KRT23: variants seen among roughly 807,000 people sequenced by gnomAD.
KRT23 encodes keratin 23.
KRT23 carries 38 observed loss-of-function variants against 47.6 expected under a neutral mutation model. The ratio of observed to expected loss-of-function variants is 0.80; its 90% confidence interval spans 0.62 to 1.05. The LOEUF is 1.05. Ranked by LOEUF, KRT23 falls within the 50% of genes least tolerant of loss-of-function variation. The probability of loss-of-function intolerance (pLI) is 0.00; values close to 1 mark genes in which losing one functional copy is unlikely to be tolerated. For missense variants in KRT23, 503 were observed against 529.5 expected (o/e 0.95, Z 0.49); for synonymous variants, 191 against 199.0 (o/e 0.96, Z 0.34).
intron 6 of KRT23, 42 bp from the exon 7 acceptor site, chr17:40,925,616 G>T: frequency 7.0e-7 from 1 of 1,428,064 alleles, no homozygotes; most frequent in Non-Finnish European, 9.8e-7. Flanking sequence ...CTGATGGCTT[G>T]ATTGAGTCAA....
chr17:40,931,670 C>T (rs1440980290), intron 2 of KRT23, among the ~76,000 whole-genome samples: 1 of 152,194 alleles, frequency 6.6e-6, no homozygotes, highest in Non-Finnish European at 1.5e-5. Flanking sequence ...AGAATATGAT[C>T]TGCAGTCAGT....
At chr17:40,929,414 G>C (rs1480949242) in intron 4 of KRT23, among the ~76,000 whole-genome samples, 1 of 152,238 alleles carries the variant, frequency 6.6e-6, no homozygotes, top group Non-Finnish European at 1.5e-5. Context: ...CTTTGATGTT[G>C]AGAAGCAATT....
chr17:40,924,636 T>G, intron 7 of KRT23, 133 bp from the exon 8 acceptor site: 1 of 733,082 alleles, frequency 1.4e-6, no homozygotes, highest in Non-Finnish European at 2.3e-6. Context: ...CTGAGCTTAG[T>G]AGTCTCAAGG....
intron 4 of KRT23, among the ~76,000 whole-genome samples, chr17:40,928,901 C>T (rs192050804): frequency 9.9e-4 from 150 of 151,970 alleles, no homozygotes; most frequent in South Asian, 2.9e-3. Flanking sequence ...GTTGTACACA[C>T]CTTTAATCCC....
chr17:40,937,538 G>C lies in KRT23; in HGVS notation c.-543C>G, dbSNP rs1300795937. On this transcript the variant is annotated 5_prime_UTR_variant, in exon 1 of 9. Transcript: ENST00000209718. Reference sequence around the variant, plus strand: ...AGGGACGATGGAAAACAGGAAACCTGCCATGGGCTGTCAAATGTGGTTGAT... The same window carrying C: ...AGGGACGATGGAAAACAGGAAACCTCCCATGGGCTGTCAAATGTGGTTGAT... 1.3e-5 allele frequency: 2 copies of C among 152,246 alleles called. No individual in the cohort carries two copies. The highest frequency in any genetic ancestry group is 2.9e-5 in the Non-Finnish European group (2 of 68,072). 9.4% of individuals were successfully genotyped at this position (152,246 alleles called of 1,614,324 possible).
At position 40,936,710 on chromosome 17, in the gene KRT23, G is replaced by T; in HGVS notation, c.-107C>A. The T allele has an allele frequency of 9.8e-7, 1 of 1,025,484 alleles. No individual in the cohort carries two copies. The highest frequency in any genetic ancestry group is 1.3e-6 in the Non-Finnish European group (1 of 747,032). The allele number at this position is 1,025,484 out of a possible 1,614,324, so 63.5% of individuals were successfully genotyped here. On this transcript the variant is annotated 5_prime_UTR_variant, in exon 2 of 9. Coordinates refer to ENST00000209718, the MANE Select transcript of KRT23 (RefSeq NM_015515.5). ...GATGGTTTTATGGCCTTTGCTGTGG[G>T]AGTTCCCTTCTCTGACAATTGTACC...
chr17:40,925,189 G>C (rs1427644979), intron 7 of KRT23, 165 bp downstream of exon 7: 3 of 614,954 alleles, frequency 4.9e-6, no homozygotes, highest in Non-Finnish European at 8.8e-6. Context: ...AATTATACTT[G>C]CTGCTTAGTG....
chr17:40,928,087 T>C, intron 6 of KRT23, 151 bp downstream of exon 6: 2 of 956,434 alleles, frequency 2.1e-6, no homozygotes, highest in Non-Finnish European at 1.6e-6. Context: ...GGTAGCCCTT[T>C]ATTATGGTTC....
At chr17:40,932,658 A>G (rs1330567050) in intron 2 of KRT23, among the ~76,000 whole-genome samples, 1 of 152,242 alleles carries the variant, frequency 6.6e-6, no homozygotes, top group African/African-American at 2.4e-5. Context: ...AGTTGGAGTC[A>G]GAGAATCCTG....
rs1054148661 is a variant in KRT23 at position 40,931,318 on chromosome 17, C to T, written c.479+55G>A. 11 of 1,413,420 alleles carry T rather than the reference C, an allele frequency of 7.8e-6. No individual in the cohort carries two copies. In the Admixed American group the frequency reaches 8.4e-5, roughly 11 times the overall value. The allele number at this position is 1,413,420 out of a possible 1,614,324, so 87.6% of individuals were successfully genotyped here. Reference sequence around the variant, plus strand: ...AGCCACCGCGCCCCGCCGAGTTTTCCTTTTGTAAAGCAAACAAACAAAAAC... The same window carrying T: ...AGCCACCGCGCCCCGCCGAGTTTTCTTTTTGTAAAGCAAACAAACAAAAAC... On this transcript the variant is annotated intron_variant, in intron 3 of 8. Coordinates refer to ENST00000209718, the MANE Select transcript of KRT23 (RefSeq NM_015515.5).
intron 8 of KRT23, 122 bp downstream of exon 8, chr17:40,924,350 G>GACCCAGGACATTTTGA (rs1567790288): frequency 2.8e-6 from 2 of 721,160 alleles, no homozygotes; most frequent in East Asian, 2.7e-5. Flanking sequence ...GAAGATTCCT[G>GACCCAGGACATTTTGA]ACCCAGGACA....
intron 6 of KRT23, 51 bp downstream of exon 6, chr17:40,928,187 C>T: frequency 6.2e-7 from 1 of 1,610,998 alleles, no homozygotes; most frequent in South Asian, 1.1e-5. Context: ...TCTCAGAAGG[C>T]TTCGTGAAGG....
chr17:40,934,369 A>G (rs1043825991), intron 2 of KRT23, among the ~76,000 whole-genome samples: 41 of 152,190 alleles, frequency 2.7e-4, no homozygotes, highest in Non-Finnish European at 5.1e-4. Flanking sequence ...TTCCTATTCA[A>G]TCTCAGAACC....
Position 40,922,808 on chromosome 17 carries a change from A to G in KRT23, c.*181T>C, listed in dbSNP as rs565177412. On this transcript the variant is annotated 3_prime_UTR_variant, in exon 9 of 9. Transcript: ENST00000209718. The stretch of plus-strand genomic sequence containing the variant: ...CTCATAAACTCGCACTTTGATTAGA[A>G]AAGTGCAATATATTAAGAGCATTAT... 2.3e-4 allele frequency: 121 copies of G among 517,632 alleles called. 1 individual carries two copies. In the South Asian group the frequency reaches 2.7e-3, roughly 12 times the overall value. The allele number at this position is 517,632 out of a possible 1,614,324, so 32.1% of individuals were successfully genotyped here.
chr17:40,936,557 T>C lies in KRT23; in HGVS notation c.47A>G (p.His16Arg). 6.6e-7 allele frequency: 1 copy of C among 1,520,558 alleles called. No homozygotes were observed. The highest frequency in any genetic ancestry group is 1.3e-5 in the South Asian group (1 of 75,010). 94.2% of individuals were successfully genotyped at this position (1,520,558 alleles called of 1,614,324 possible). A position where few individuals can be genotyped will look rare whatever the true frequency, so the allele number is the denominator to read the frequency against. Residue 16 changes from histidine to arginine, a missense_variant, in exon 2 of 9, where the codon CAT (histidine) becomes CGT (arginine). His to Arg is a conservative substitution (Grantham distance 29, BLOSUM62 0). Transcript: ENST00000209718. ...CCGGCCCCAGCCACCTCCGGCGCCA[T>C]GGAAGGAGGCCGAGGGGGTCTGGCT... is the stretch of plus-strand genomic sequence containing the variant. Reference protein sequence around the residue: ...SFSQTPSASFHGAGGGWGRPR... With the variant: ...SFSQTPSASFRGAGGGWGRPR...
At chr17:40,932,174 A>G (rs1472886761) in intron 2 of KRT23, among the ~76,000 whole-genome samples, 2 of 152,220 alleles carry the variant, frequency 1.3e-5, no homozygotes, top group Non-Finnish European at 2.9e-5. Flanking sequence ...AGCTATTAAA[A>G]TATTAACTGA....
chr17:40,930,144 G>A, intron 3 of KRT23, 48 bp from the exon 4 acceptor site: 1 of 1,549,422 alleles, frequency 6.5e-7, no homozygotes, highest in Admixed American at 1.9e-5. Flanking sequence ...GGAAGGCCAT[G>A]GTTTTTGAAA....
At chr17:40,929,236 G>C (rs1909468444) in intron 4 of KRT23, among the ~76,000 whole-genome samples, 1 of 152,122 alleles carries the variant, frequency 6.6e-6, no homozygotes, top group Admixed American at 6.5e-5. Context: ...CTTTTGGGAA[G>C]CAGTTCAAGA....
chr17:40,934,275 A>G (rs1909896638), intron 2 of KRT23, among the ~76,000 whole-genome samples: 1 of 152,172 alleles, frequency 6.6e-6, no homozygotes, highest in South Asian at 2.1e-4. Context: ...CTCAACTTTA[A>G]AGAGTTTCTT....
Sources: allele counts gnomAD v4.1 joint callset (sites outside exome capture counted in the v4.1 genomes callset), GRCh38; gene constraint gnomAD v4.1.1; transcripts MANE v1.5; gene names NCBI Gene and HGNC (gene_info 2026-07-23, HGNC 2026-07-21).